SIPA1L2: variants seen among roughly 807,000 people sequenced by gnomAD.
The protein encoded by SIPA1L2 is signal induced proliferation associated 1 like 2, also known as signal-induced proliferation-associated 1-like protein 2.
In SIPA1L2, 56 loss-of-function variants were observed where a neutral mutation model predicts 163.9. The ratio of observed to expected loss-of-function variants is 0.34; its 90% CI spans 0.28 to 0.43. SIPA1L2 has a LOEUF of 0.43. Among genes scored for constraint, SIPA1L2 ranks in the 20% least tolerant of loss-of-function variants. SIPA1L2 has a pLI of 1.00. For synonymous variants in SIPA1L2, 877 were observed against 865.7 expected, an observed-to-expected ratio of 1.01 and a Z score of -0.23; for missense variants, 1,974 against 2,193.5, an observed-to-expected ratio of 0.90 and a Z score of 2.00.
intron 15 of SIPA1L2, among the ~76,000 whole-genome samples, chr1:232,433,692 G>A (rs1662382714): frequency 6.6e-6 from 1 of 152,140 alleles, no homozygotes; most frequent in South Asian, 2.1e-4. Context: ...TCTTAAATTA[G>A]AAAGATCAAC....
rs190782649 is a variant in SIPA1L2, at chr1:232,556,376, A to C, written c.-270+17798T>G. On this transcript the variant is annotated intron_variant, in intron 2 of 22. Transcript: ENST00000674635. ...TAATTATCTCAATTACATTTTTAAAAGAAAAAGTGAACCCAAAACTTCTTC... is the reference window on the plus strand; with the variant it reads ...TAATTATCTCAATTACATTTTTAAACGAAAAAGTGAACCCAAAACTTCTTC... Among the ~76,000 whole-genome samples, 182 of 152,228 alleles carry C rather than the reference A, an allele frequency of 1.2e-3. 1 individual carries two copies. The highest frequency in any genetic ancestry group is 4.1e-3 in the African/African-American group (171 of 41,484).
At chr1:232,414,387 G>A (rs2102775501) in intron 19 of SIPA1L2, among the ~76,000 whole-genome samples, 1 of 152,236 alleles carries the variant, frequency 6.6e-6, no homozygotes, top group South Asian at 2.1e-4. Context: ...CAGATGAGGG[G>A]CAGTGAACCC....
chr1:232,609,702 T>C (rs1662141240), intron 1 of SIPA1L2, among the ~76,000 whole-genome samples: 1 of 151,694 alleles, frequency 6.6e-6, no homozygotes, highest in African/African-American at 2.4e-5. Flanking sequence ...TGGTGGTGGG[T>C]GCCTGTAATC....
chr1:232,412,848 C>T (rs956955159), intron 19 of SIPA1L2, among the ~76,000 whole-genome samples: 8 of 152,190 alleles, frequency 5.3e-5, no homozygotes, highest in Non-Finnish European at 1.0e-4. Context: ...GCTAACTCCT[C>T]CCACATTATT....
At chr1:232,585,103 GC>G (rs1391986206) in intron 1 of SIPA1L2, among the ~76,000 whole-genome samples, 23 of 152,276 alleles carry the variant, frequency 1.5e-4, no homozygotes, top group African/African-American at 5.3e-4. Context: ...GAAACACAAA[GC>G]TAACTTCTGT....
At chr1:232,569,727 C>T (rs761478271) in intron 2 of SIPA1L2, among the ~76,000 whole-genome samples, 9 of 152,118 alleles carry the variant, frequency 5.9e-5, no homozygotes, top group Non-Finnish European at 7.4e-5. Context: ...GCAGGAGAAC[C>T]GCTTGAACCC....
chr1:232,534,780 A>T (rs1362638718), intron 2 of SIPA1L2, among the ~76,000 whole-genome samples: 1 of 152,132 alleles, frequency 6.6e-6, no homozygotes, highest in African/African-American at 2.4e-5. Flanking sequence ...ACCTCTGGGG[A>T]GACTCATCAT....
At chr1:232,428,347 A>G in intron 17 of SIPA1L2, 64 bp downstream of exon 17, 1 of 1,176,694 alleles carries the variant, frequency 8.5e-7, no homozygotes, top group Non-Finnish European at 1.1e-6. Flanking sequence ...GAGTTTCTTT[A>G]GACTTTTTTT....
intron 2 of SIPA1L2, among the ~76,000 whole-genome samples, chr1:232,550,872 G>A (rs1485667825): frequency 6.6e-6 from 1 of 152,162 alleles, no homozygotes; most frequent in Non-Finnish European, 1.5e-5. Context: ...AGGGGGAAGA[G>A]CAACATGGAA....
intron 1 of SIPA1L2, among the ~76,000 whole-genome samples, chr1:232,599,336 A>T (rs1038368160): frequency 1.3e-5 from 2 of 152,200 alleles, no homozygotes; most frequent in Non-Finnish European, 2.9e-5. Flanking sequence ...CTTGCTCCCA[A>T]CACCTGTATA....
chr1:232,400,201 T>C (rs1660253442), intron 22 of SIPA1L2, among the ~76,000 whole-genome samples: 1 of 151,956 alleles, frequency 6.6e-6, no homozygotes, highest in African/African-American at 2.4e-5. Flanking sequence ...TAGACTCACT[T>C]CACTCTAAGA....
At chr1:232,583,865 GA>G (rs5781705) in intron 1 of SIPA1L2, among the ~76,000 whole-genome samples, 38,759 of 151,798 alleles carry the variant, frequency 0.26, 4,952 homozygotes, top group Non-Finnish European at 0.26. Flanking sequence ...AAAGGCCTCA[GA>G]AGGAGCTCTC....
At chr1:232,459,900 T>C (rs1204155573) in intron 10 of SIPA1L2, among the ~76,000 whole-genome samples, 2 of 152,222 alleles carry the variant, frequency 1.3e-5, no homozygotes, top group African/African-American at 4.8e-5. Flanking sequence ...TTATTTCATC[T>C]TCATTGAAAT....
At chr1:232,560,047 C>T (rs1458996623) in intron 2 of SIPA1L2, among the ~76,000 whole-genome samples, 1 of 152,244 alleles carries the variant, frequency 6.6e-6, no homozygotes, top group Non-Finnish European at 1.5e-5. Flanking sequence ...TGCTCTCTCT[C>T]TCACACACAG....
chr1:232,440,820 T>C (rs1027829185), intron 14 of SIPA1L2, among the ~76,000 whole-genome samples: 10 of 152,200 alleles, frequency 6.6e-5, no homozygotes, highest in African/African-American at 2.4e-4. Flanking sequence ...TGGCAACACA[T>C]GCAAAGGACT....
At chr1:232,552,561 G>A (rs1167605183) in intron 2 of SIPA1L2, among the ~76,000 whole-genome samples, 2 of 151,792 alleles carry the variant, frequency 1.3e-5, no homozygotes, top group African/African-American at 4.8e-5. Context: ...GTAGAGCTGG[G>A]GTCTTGCTCT....
intron 12 of SIPA1L2, among the ~76,000 whole-genome samples, 172 bp from the exon 13 acceptor site, chr1:232,442,040 A>G (rs1298601186): frequency 6.6e-6 from 1 of 152,158 alleles, no homozygotes; most frequent in African/African-American, 2.4e-5. Context: ...GAGAAGCTAA[A>G]AGCATCTGAA....
In SIPA1L2 at chr1:232,432,592, G is replaced by T. The variant is rs1662317442; in HGVS notation, c.4032-121C>A. On this transcript the variant is annotated intron_variant, in intron 15 of 22. Transcript: ENST00000674635. The stretch of plus-strand genomic sequence containing the variant: ...TTCTCCGAGAGCAAAATCGGGCCCA[G>T]TGAGGCAGATGGAGCCTTCTTTCTA... 4 of 854,932 alleles carry T rather than the reference G, an allele frequency of 4.7e-6. No individual in the cohort carries two copies. In the South Asian group the frequency reaches 5.2e-5, roughly 11 times the overall value. The allele number at this position is 854,932 out of a possible 1,614,324, so 53.0% of individuals were successfully genotyped here. A position where few individuals can be genotyped will look rare whatever the true frequency, so the allele number is the denominator to read the frequency against.
At chr1:232,439,597 C>G in intron 14 of SIPA1L2, 101 bp from the exon 15 acceptor site, 2 of 1,357,716 alleles carry the variant, frequency 1.5e-6, no homozygotes, top group Admixed American at 2.2e-5. Flanking sequence ...CGCACCCAAG[C>G]CCTTTCTACT....
Sources: gnomAD v4.1 joint callset for allele counts (sites outside exome capture counted in the v4.1 genomes callset) on GRCh38, gnomAD v4.1.1 for gene constraint, MANE v1.5 for transcripts, NCBI Gene and HGNC (gene_info 2026-07-23, HGNC 2026-07-21) for gene names.